Variants in LRMDA observed in about 807,000 individuals in gnomAD.
LRMDA encodes the protein leucine-rich melanocyte differentiation-associated protein.
LRMDA carries 18 observed loss-of-function variants against 29.8 expected under a neutral mutation model. That is an observed-to-expected ratio of 0.60 (90% CI 0.42 to 0.90). The LOEUF (loss-of-function observed/expected upper bound fraction) is 0.90. Ranked by LOEUF, LRMDA falls within the 40% of genes least tolerant of loss-of-function variation. LRMDA has a pLI of 0.00. For synonymous variants in LRMDA, 125 were observed against 109.4 expected (o/e 1.14, Z -0.89); for missense variants, 273 against 273.9 (o/e 1.00, Z 0.02).
In LRMDA at chr10:76,559,977, T is replaced by C. The variant is rs1843603484; in HGVS notation, c.*2689T>C. 6.6e-6 allele frequency: 1 copy of C among 152,218 alleles called. No individual in the cohort carries two copies. The highest frequency in any genetic ancestry group is 2.1e-4 in the South Asian group (1 of 4,828). The allele number at this position is 152,218 out of a possible 1,614,324, so 9.4% of individuals were successfully genotyped here. A position where few individuals can be genotyped will look rare whatever the true frequency, so the allele number is the denominator to read the frequency against. ...GAATAATGTCTTGGATTGTGGGGAA[T>C]CCTATTAAAAGTACAACTATTGCAG... is the stretch of plus-strand genomic sequence containing the variant. On this transcript the variant is annotated 3_prime_UTR_variant, in exon 7 of 7. Coordinates refer to ENST00000611255, the MANE Select transcript of LRMDA (RefSeq NM_001305581.2).
At chr10:76,272,440 A>C (rs1397473717) in intron 5 of LRMDA, among the ~76,000 whole-genome samples, 1 of 152,208 alleles carries the variant, frequency 6.6e-6, no homozygotes, top group Non-Finnish European at 1.5e-5. Context: ...AGGTTGTGTC[A>C]GATGTTTTTA....
At chr10:75,557,573 G>A (rs1344144473) in intron 2 of LRMDA, among the ~76,000 whole-genome samples, 1 of 152,144 alleles carries the variant, frequency 6.6e-6, no homozygotes, top group African/African-American at 2.4e-5. Flanking sequence ...GCAGATGTGA[G>A]GCATGGCTTC....
At chr10:76,069,414 T>C (rs1848839434) in intron 5 of LRMDA, among the ~76,000 whole-genome samples, 1 of 152,234 alleles carries the variant, frequency 6.6e-6, no homozygotes, top group South Asian at 2.1e-4. Flanking sequence ...TTAATTTAGC[T>C]AAGTTCAACG....
chr10:75,979,018 C>T (rs1487697742), intron 2 of LRMDA, among the ~76,000 whole-genome samples: 2 of 152,156 alleles, frequency 1.3e-5, no homozygotes, highest in Non-Finnish European at 2.9e-5. Flanking sequence ...CCATGCATCA[C>T]TTTGCTTATC....
chr10:76,001,477 T>C (rs1297811250), intron 2 of LRMDA, among the ~76,000 whole-genome samples: 2 of 152,218 alleles, frequency 1.3e-5, no homozygotes, highest in South Asian at 2.1e-4. Flanking sequence ...AAATCATTTT[T>C]ATAGTTTTGA....
At chr10:75,914,846 A>T (rs776957690) in intron 2 of LRMDA, among the ~76,000 whole-genome samples, 1 of 152,222 alleles carries the variant, frequency 6.6e-6, no homozygotes, top group African/African-American at 2.4e-5. Flanking sequence ...TTATTTTAGA[A>T]ATACAGGGCA....
intron 5 of LRMDA, among the ~76,000 whole-genome samples, chr10:76,276,912 C>T (rs1480165380): frequency 6.6e-6 from 1 of 152,174 alleles, no homozygotes; most frequent in African/African-American, 2.4e-5. Flanking sequence ...TGTGCCTGTA[C>T]ACTCAAGAGT....
intron 5 of LRMDA, among the ~76,000 whole-genome samples, chr10:76,213,992 G>A (rs917186691): frequency 1.3e-5 from 2 of 152,144 alleles, no homozygotes; most frequent in Non-Finnish European, 2.9e-5. Flanking sequence ...CATCTACCTG[G>A]ATCAGGGCCT....
intron 5 of LRMDA, among the ~76,000 whole-genome samples, chr10:76,097,512 G>C (rs530163581): frequency 6.6e-6 from 1 of 152,304 alleles, no homozygotes; most frequent in Admixed American, 6.5e-5. Context: ...TTGAAAGGAA[G>C]ACAGCCAGGC....
chr10:75,842,165 T>C (rs1398556071), intron 2 of LRMDA, among the ~76,000 whole-genome samples: 2 of 152,242 alleles, frequency 1.3e-5, no homozygotes, highest in Non-Finnish European at 2.9e-5. Context: ...AAATGGTTTT[T>C]ACATTTTAAA....
At position 76,508,349 on chromosome 10, in the gene LRMDA, C is replaced by A. The variant is rs72819357; in HGVS notation, c.602-48860C>A. Among the ~76,000 whole-genome samples, 440 of 152,236 alleles carry A rather than the reference C, an allele frequency of 2.9e-3. 2 individuals are homozygous for A. The highest frequency in any genetic ancestry group is 4.3e-3 in the Admixed American group (66 of 15,298). Reference sequence around the variant, plus strand: ...GGTACTTACCTACAACAGTTATTACCGTGGTGTTTGCCAAATGGTGATTTT... The same window carrying A: ...GGTACTTACCTACAACAGTTATTACAGTGGTGTTTGCCAAATGGTGATTTT... On this transcript the variant is annotated intron_variant, in intron 6 of 6. Coordinates refer to ENST00000611255, the MANE Select transcript of LRMDA (RefSeq NM_001305581.2).
chr10:76,177,408 A>G (rs559844104), intron 5 of LRMDA, among the ~76,000 whole-genome samples: 22 of 145,520 alleles, frequency 1.5e-4, no homozygotes, highest in African/African-American at 5.2e-4. Context: ...AGACAAAAAA[A>G]AAACAACAAA....
intron 2 of LRMDA, among the ~76,000 whole-genome samples, chr10:75,881,089 A>C (rs978927413): frequency 6.6e-6 from 1 of 152,196 alleles, no homozygotes; most frequent in East Asian, 1.9e-4. Context: ...TCTCCTGTCC[A>C]GTGAATATAA....
chr10:76,257,740 CA>C (rs1852623306), intron 5 of LRMDA, among the ~76,000 whole-genome samples: 1 of 152,154 alleles, frequency 6.6e-6, no homozygotes, highest in Non-Finnish European at 1.5e-5. Flanking sequence ...TATCTTGCAA[CA>C]AACCACCTCG....
intron 2 of LRMDA, among the ~76,000 whole-genome samples, chr10:75,842,216 A>G (rs548075730): frequency 2.6e-5 from 4 of 152,368 alleles, no homozygotes; most frequent in Non-Finnish European, 5.9e-5. Context: ...GACAAGTGAA[A>G]CTGATATGAA....
intron 2 of LRMDA, among the ~76,000 whole-genome samples, chr10:75,578,701 A>T (rs1473357853): frequency 1.3e-5 from 2 of 152,158 alleles, no homozygotes; most frequent in African/African-American, 4.8e-5. Flanking sequence ...AGTCTGTCAG[A>T]CCACAGTGCA....
At chr10:75,507,639 T>C (rs1320609274) in intron 2 of LRMDA, among the ~76,000 whole-genome samples, 1 of 152,204 alleles carries the variant, frequency 6.6e-6, no homozygotes, top group African/African-American at 2.4e-5. Flanking sequence ...GTCACTTCTC[T>C]CTGTGCCCCA....
chr10:75,461,127 G>A (rs1222817464), intron 2 of LRMDA, among the ~76,000 whole-genome samples: 1 of 152,104 alleles, frequency 6.6e-6, no homozygotes, highest in Admixed American at 6.5e-5. Flanking sequence ...GAAATTTTAC[G>A]TGACACAGGA....
intron 2 of LRMDA, among the ~76,000 whole-genome samples, chr10:76,017,989 C>T (rs1455432334): frequency 6.6e-6 from 1 of 152,178 alleles, no homozygotes; most frequent in Non-Finnish European, 1.5e-5. Context: ...CTATTACTTT[C>T]CTCGTGAAGA....
Sources: allele counts gnomAD v4.1 joint callset (sites outside exome capture counted in the v4.1 genomes callset), GRCh38; gene constraint gnomAD v4.1.1; transcripts MANE v1.5; gene names NCBI Gene and HGNC (gene_info 2026-07-23, HGNC 2026-07-21).